The following ARFGEF1 variants were observed in gnomAD, a reference collection of about 807,000 sequenced individuals.
ARFGEF1 encodes brefeldin A-inhibited guanine nucleotide-exchange protein 1.
A neutral mutation model predicts 231.0 loss-of-function variants in ARFGEF1; 42 were observed. That is an observed-to-expected ratio of 0.18 (90% CI 0.14 to 0.24). The LOEUF (loss-of-function observed/expected upper bound fraction) is 0.24, where lower values mean the gene tolerates loss of function less well. Ranked by LOEUF, ARFGEF1 falls within the 10% of genes least tolerant of loss-of-function variation. The pLI is 1.00. For synonymous variants in ARFGEF1, 710 were observed against 732.3 expected (o/e 0.97, Z 0.49); for missense variants, 1,345 against 2,192.0 (o/e 0.61, Z 7.72).
chr8:67,204,885 A>G, intron 34 of ARFGEF1, 66 bp from the exon 35 acceptor site: 1 of 1,568,648 alleles, frequency 6.4e-7, no homozygotes, highest in Non-Finnish European at 8.7e-7. Flanking sequence ...TATAATTTCC[A>G]TGATATTACA....
chr8:67,200,327 T>A (rs1217793070), intron 38 of ARFGEF1, 69 bp downstream of exon 38: 1 of 1,138,186 alleles, frequency 8.8e-7, no homozygotes, highest in Non-Finnish European at 1.3e-6. Context: ...GCACGGCGGC[T>A]CTGGGACCCC....
intron 14 of ARFGEF1, among the ~76,000 whole-genome samples, chr8:67,260,561 T>C (rs1804574284): frequency 6.6e-6 from 1 of 152,204 alleles, no homozygotes; most frequent in Non-Finnish European, 1.5e-5. Flanking sequence ...GTAAACTTAA[T>C]CAATACTTGT....
intron 7 of ARFGEF1, among the ~76,000 whole-genome samples, chr8:67,279,530 GTTCA>G (rs1236861701): frequency 1.3e-5 from 2 of 152,056 alleles, no homozygotes; most frequent in Non-Finnish European, 2.9e-5. Flanking sequence ...CTCAGCTCGT[GTTCA>G]TTTTCTTCCC....
intron 19 of ARFGEF1, among the ~76,000 whole-genome samples, chr8:67,243,402 G>A (rs1360008434): frequency 6.6e-6 from 1 of 152,142 alleles, no homozygotes; most frequent in Non-Finnish European, 1.5e-5. Context: ...ACAGCAGCAG[G>A]CAAGAGAGAG....
chr8:67,237,016 T>A (rs1563856222), intron 22 of ARFGEF1, among the ~76,000 whole-genome samples: 1 of 152,244 alleles, frequency 6.6e-6, no homozygotes, highest in Admixed American at 6.5e-5. Context: ...AACCTAATTC[T>A]GTAGTCCTAC....
intron 23 of ARFGEF1, among the ~76,000 whole-genome samples, 158 bp downstream of exon 23, chr8:67,232,697 T>A (rs1170595062): frequency 6.6e-6 from 1 of 152,052 alleles, no homozygotes. Context: ...AGCAAAATTA[T>A]AGGTACTTCA....
chr8:67,224,672 G>A (rs1014754790), intron 29 of ARFGEF1, among the ~76,000 whole-genome samples: 2 of 152,022 alleles, frequency 1.3e-5, no homozygotes, highest in East Asian at 1.9e-4. Flanking sequence ...AAATCAAATG[G>A]AGGCTATAAT....
chr8:67,213,099 T>C (rs1374681842), intron 33 of ARFGEF1, among the ~76,000 whole-genome samples: 1 of 152,202 alleles, frequency 6.6e-6, no homozygotes, highest in South Asian at 2.1e-4. Flanking sequence ...AACAGAGTCA[T>C]GGAGCAACAC....
At chr8:67,284,325 T>C (rs1006867342) in intron 7 of ARFGEF1, among the ~76,000 whole-genome samples, 3 of 152,090 alleles carry the variant, frequency 2.0e-5, no homozygotes, top group Non-Finnish European at 4.4e-5. Flanking sequence ...CACAACCCCC[T>C]AACCCCCAGA....
Position 67,238,780 on chromosome 8 carries a change from T to C in ARFGEF1, c.3093A>G (p.Thr1031=), listed in dbSNP as rs773910884. Reference sequence around the variant, plus strand: ...AATAATTTCCATCTGTATGAGCCACTGTGATAAGTGTTTTTATTGTGTCAA... The same window carrying C: ...AATAATTTCCATCTGTATGAGCCACCGTGATAAGTGTTTTTATTGTGTCAA... ...KNIDTIKTLI[T]VAHTDGNYLG... The change falls in exon 21 of 39, where the codon ACA becomes ACG. Residue 1031 remains threonine (T), a synonymous_variant. Transcript: ENST00000262215. 6.2e-7 allele frequency: 1 copy of C among 1,613,926 alleles called. No homozygotes were observed. The highest frequency in any genetic ancestry group is 8.5e-7 in the Non-Finnish European group (1 of 1,179,898).
At position 67,204,798 on chromosome 8, in the gene ARFGEF1, A is replaced by C; in HGVS notation, c.4841T>G (p.Phe1614Cys). The C allele has an allele frequency of 1.2e-6, 2 of 1,614,038 alleles. No individual in the cohort carries two copies. Among genetic ancestry groups the C allele is most frequent in the Non-Finnish European group, 1.7e-6 (2 of 1,179,980 alleles). ...STAKFPEQKL[F>C]AALLIKCVVQ... ...AACACATTTAATCAACAGGGCAGCA[A>C]ACAATTTTTGTTCTGGAAATTCTGT... is the stretch of plus-strand genomic sequence containing the variant. The change falls in exon 35 of 39, where the codon TTT becomes TGT. Residue 1614 changes from phenylalanine to cysteine, a missense_variant. Physicochemically the swap from Phe to Cys is radical, Grantham distance 205 (BLOSUM62 -2). Transcript: ENST00000262215.
chr8:67,235,544 G>A (rs912279754), intron 22 of ARFGEF1, among the ~76,000 whole-genome samples: 2 of 152,160 alleles, frequency 1.3e-5, no homozygotes, highest in Non-Finnish European at 2.9e-5. Context: ...AGACCAGCAT[G>A]CAGTCCAGGT....
chr8:67,280,295 A>T (rs1805481287), intron 7 of ARFGEF1, among the ~76,000 whole-genome samples: 1 of 152,212 alleles, frequency 6.6e-6, no homozygotes, highest in Non-Finnish European at 1.5e-5. Flanking sequence ...AGCTGACCAC[A>T]GCCATGATCA....
At chr8:67,204,623 T>A in intron 35 of ARFGEF1, 57 bp downstream of exon 35, 4 of 1,557,696 alleles carry the variant, frequency 2.6e-6, no homozygotes, top group Middle Eastern at 1.8e-4. Context: ...CAGCCCAGAC[T>A]GCTATACCTA....
chr8:67,342,001 G>A (rs945924295), intron 1 of ARFGEF1, among the ~76,000 whole-genome samples: 1 of 152,114 alleles, frequency 6.6e-6, no homozygotes, highest in African/African-American at 2.4e-5. Flanking sequence ...TTAAATGGTA[G>A]TCTTCCATTT....
chr8:67,250,853 AAAT>A (rs1225221094), intron 19 of ARFGEF1, among the ~76,000 whole-genome samples: 1 of 152,194 alleles, frequency 6.6e-6, no homozygotes, highest in African/African-American at 2.4e-5. Flanking sequence ...CCACAAACAC[AAAT>A]AATATTGTCT....
intron 15 of ARFGEF1, 22 bp downstream of exon 15, chr8:67,259,793 A>C (rs545590900): frequency 1.3e-6 from 2 of 1,496,572 alleles, no homozygotes; most frequent in East Asian, 4.5e-5. Context: ...AGAAAAGGTT[A>C]GAATGAAAAT....
At chr8:67,275,955 G>A (rs1456192978) in intron 9 of ARFGEF1, 21 bp downstream of exon 9, 6 of 1,611,922 alleles carry the variant, frequency 3.7e-6, no homozygotes, top group Non-Finnish European at 8.5e-7. Context: ...TATTTGTCAG[G>A]CAAAACAGTT....
At chr8:67,288,182 AGAT>A in intron 6 of ARFGEF1, 117 bp from the exon 7 acceptor site, 1 of 540,738 alleles carries the variant, frequency 1.8e-6, no homozygotes, top group Non-Finnish European at 3.1e-6. Flanking sequence ...AAAATCAAAT[AGAT>A]AACATGAAAT....
Sources: allele counts gnomAD v4.1 joint callset (sites outside exome capture counted in the v4.1 genomes callset), GRCh38; gene constraint gnomAD v4.1.1; transcripts MANE v1.5; gene names NCBI Gene and HGNC (gene_info 2026-07-23, HGNC 2026-07-21).